BSN: variants seen among roughly 807,000 people sequenced by gnomAD.
BSN encodes bassoon presynaptic cytomatrix protein, also known as protein bassoon.
In BSN, 57 loss-of-function variants were observed where a neutral mutation model predicts 264.8. That is an observed-to-expected ratio of 0.22 (90% confidence interval 0.17 to 0.27). BSN has a LOEUF of 0.27. BSN is among the 10% of genes least tolerant of loss of function. BSN has a pLI of 1.00. For synonymous variants in BSN, 2,059 were observed against 2,137.3 expected (o/e 0.96, Z 1.01); for missense variants, 4,615 against 5,232.5 (o/e 0.88, Z 3.64).
chr3:49,561,069 TG>T (rs941856000), intron 1 of BSN, among the ~76,000 whole-genome samples: 13 of 152,332 alleles, frequency 8.5e-5, no homozygotes, highest in Admixed American at 7.2e-4. Context: ...AGCAGAGACC[TG>T]GGGCCCCTAC....
intron 1 of BSN, among the ~76,000 whole-genome samples, chr3:49,619,894 A>C (rs775082882): frequency 6.6e-6 from 1 of 152,186 alleles, no homozygotes; most frequent in Non-Finnish European, 1.5e-5. Flanking sequence ...CAGGAAATAA[A>C]TATTGAGCAT....
In BSN at chr3:49,656,929, T is replaced by TGCAGCA. The variant is rs1553667745; in HGVS notation, c.7379_7384dup (p.Gln2460_Gln2461dup). 6.3e-7 allele frequency: 1 copy of TGCAGCA among 1,598,326 alleles called. No homozygotes were observed. The highest frequency in any genetic ancestry group is 8.5e-7 in the Non-Finnish European group (1 of 1,171,294). ...CTGCAGCTGGAGCAGATCCAGCAGCTGCAGCAGCAGCTGCAGCAGCAGCTA... is the reference window on the plus strand; with the variant it reads ...CTGCAGCTGGAGCAGATCCAGCAGCTGCAGCAGCAGCAGCAGCTGCAGCAGCAGCTA... On this transcript the variant is annotated inframe_insertion, in exon 5 of 12. Coordinates refer to ENST00000296452, the MANE Select transcript of BSN (RefSeq NM_003458.4).
chr3:49,643,365 A>G (rs1426429380), intron 3 of BSN, among the ~76,000 whole-genome samples: 1 of 152,156 alleles, frequency 6.6e-6, no homozygotes, highest in Non-Finnish European at 1.5e-5. Flanking sequence ...AGTTGGGGGT[A>G]ATGGTGCCTA....
chr3:49,566,583 G>A (rs1273224525), intron 1 of BSN, among the ~76,000 whole-genome samples: 3 of 151,986 alleles, frequency 2.0e-5, no homozygotes. Flanking sequence ...CCAGGAGTTT[G>A]AGACTAGCCT....
downstream of BSN, among the ~76,000 whole-genome samples, chr3:49,672,627 C>G (rs909162127): frequency 6.6e-6 from 1 of 151,258 alleles, no homozygotes; most frequent in Non-Finnish European, 1.5e-5. Flanking sequence ...ATTACAGGCG[C>G]GTGCCACCCA....
intron 2 of BSN, among the ~76,000 whole-genome samples, chr3:49,634,177 C>T (rs1158853582): frequency 1.3e-5 from 2 of 150,170 alleles, no homozygotes; most frequent in East Asian, 3.9e-4. Context: ...CACTGCACTC[C>T]AGCCTGATGA....
intron 1 of BSN, among the ~76,000 whole-genome samples, chr3:49,562,188 C>G (rs1318833674): frequency 6.6e-6 from 1 of 152,178 alleles, no homozygotes; most frequent in African/African-American, 2.4e-5. Context: ...ACTGTGTCAC[C>G]TACACTTTTT....
At chr3:49,604,593 A>T (rs573061321) in intron 1 of BSN, among the ~76,000 whole-genome samples, 9 of 151,910 alleles carry the variant, frequency 5.9e-5, no homozygotes, top group African/African-American at 2.2e-4. Context: ...TATATAACAC[A>T]CTTTTTTTAC....
Position 49,656,518 on chromosome 3 carries a change from A to G in BSN, c.6962A>G (p.Glu2321Gly). The G allele has an allele frequency of 6.3e-7, 1 of 1,575,986 alleles. No individual in the cohort carries two copies. Among genetic ancestry groups the G allele is most frequent in the South Asian group, 1.2e-5 (1 of 86,476 alleles). ...LPTTTPAAIKEAAGAPAPAPL... is the reference protein window; with the variant it reads ...LPTTTPAAIKGAAGAPAPAPL... The stretch of plus-strand genomic sequence containing the variant: ...ACAACCACCCCTGCTGCCATCAAGG[A>G]GGCTGCAGGAGCCCCAGCTCCTGCC... The change falls in exon 5 of 12, where the codon GAG becomes GGG. Residue 2321 changes from glutamate to glycine, a missense_variant. This residue lies in a region of BSN where 3,415 missense variants were observed against 3,866.4 expected (regional missense o/e 0.88). Coordinates refer to ENST00000296452, the MANE Select transcript of BSN (RefSeq NM_003458.4).
At chr3:49,562,472 C>T (rs1236816019) in intron 1 of BSN, among the ~76,000 whole-genome samples, 4 of 152,200 alleles carry the variant, frequency 2.6e-5, no homozygotes, top group Non-Finnish European at 5.9e-5. Flanking sequence ...TTCTCTTTGT[C>T]TCACAGAGGT....
At chr3:49,626,195 G>T (rs937466845) in intron 2 of BSN, among the ~76,000 whole-genome samples, 18 of 152,272 alleles carry the variant, frequency 1.2e-4, no homozygotes, top group South Asian at 4.1e-4. Flanking sequence ...AATGAACAGA[G>T]TAGGTCTGCT....
intron 1 of BSN, among the ~76,000 whole-genome samples, chr3:49,622,104 C>G (rs991578762): frequency 1.3e-5 from 2 of 151,896 alleles, no homozygotes; most frequent in Admixed American, 1.3e-4. Context: ...AGAAGTGGGC[C>G]TTGGGATTGG....
In BSN at chr3:49,665,297, G is replaced by A. The variant is rs2052704563; in HGVS notation, c.*83G>A. ...CTCTGGAGTCAGAGGCCTGGGCGCAGCTCTGGACTCTGCGTATAACAGTGA... is the reference window on the plus strand; with the variant it reads ...CTCTGGAGTCAGAGGCCTGGGCGCAACTCTGGACTCTGCGTATAACAGTGA... On this transcript the variant is annotated 3_prime_UTR_variant, in exon 11 of 12. Transcript: ENST00000296452. 1.9e-5 allele frequency: 3 copies of A among 161,302 alleles called. No individual in the cohort carries two copies. Among genetic ancestry groups the A allele is most frequent in the Admixed American group, 6.2e-5 (1 of 16,188 alleles). 10.0% of individuals were successfully genotyped at this position (161,302 alleles called of 1,614,324 possible).
chr3:49,637,954 A>AAAGCTAATGTCTGAC (rs1216430917), intron 2 of BSN, among the ~76,000 whole-genome samples: 4 of 152,212 alleles, frequency 2.6e-5, no homozygotes, highest in Non-Finnish European at 1.5e-5. Flanking sequence ...CAGCTCATTC[A>AAAGCTAATGTCTGAC]AAGCTAATGT....
chr3:49,587,056 AT>A (rs1199541235), intron 1 of BSN, among the ~76,000 whole-genome samples: 1 of 152,026 alleles, frequency 6.6e-6, no homozygotes, highest in Non-Finnish European at 1.5e-5. Context: ...ATATTTTTCC[AT>A]TTTTTGGTGT....
chr3:49,657,410 C>T lies in BSN; in HGVS notation c.7854C>T (p.Asp2618=). 6.2e-7 allele frequency: 1 copy of T among 1,613,192 alleles called. No homozygotes were observed. Among genetic ancestry groups the T allele is most frequent in the Non-Finnish European group, 8.5e-7 (1 of 1,180,016 alleles). ...GCAGTGTGCAGACGGACGACGAAGA[C>T]AGTGCTGAGTGGGAGCAGCCAGTGC... The part of the protein sequence containing the change: ...ADCSVQTDDE[D]SAEWEQPVRR... The change falls in exon 5 of 12, where the codon GAC becomes GAT. Residue 2618 remains aspartate (D), a synonymous_variant. Transcript: ENST00000296452.
At chr3:49,659,467 T>A (rs1464519428) in intron 5 of BSN, among the ~76,000 whole-genome samples, 2 of 152,120 alleles carry the variant, frequency 1.3e-5, no homozygotes, top group Non-Finnish European at 2.9e-5. Flanking sequence ...TATTATGACA[T>A]ATGGTGGATG....
At chr3:49,590,578 A>G (rs1328018537) in intron 1 of BSN, among the ~76,000 whole-genome samples, 1 of 152,028 alleles carries the variant, frequency 6.6e-6, no homozygotes, top group Non-Finnish European at 1.5e-5. Flanking sequence ...ACACATCTTA[A>G]TTTATCACAA....
At position 49,662,437 on chromosome 3, in the gene BSN, T is replaced by G. The variant is rs894395113; in HGVS notation, c.10592T>G (p.Phe3531Cys). The change falls in exon 6 of 12, where the codon TTC becomes TGC. Residue 3531 changes from phenylalanine (F) to cysteine (C), a missense_variant. By Grantham distance (205) the Phe-to-Cys change is radical. Coordinates refer to ENST00000296452, the MANE Select transcript of BSN (RefSeq NM_003458.4). ...LPPGGDTCPQ[F>C]CSSHSMPDVQ... Reference sequence around the variant, plus strand: ...CCCGGCGGGGATACCTGCCCACAGTTCTGCTCCAGCCACTCCATGCCTGAT... The same window carrying G: ...CCCGGCGGGGATACCTGCCCACAGTGCTGCTCCAGCCACTCCATGCCTGAT... The G allele has an allele frequency of 2.5e-6, 4 of 1,613,466 alleles. No homozygotes were observed. Among genetic ancestry groups the G allele is most frequent in the Non-Finnish European group, 3.4e-6 (4 of 1,180,012 alleles).
Sources: gnomAD v4.1 joint callset for allele counts (sites outside exome capture counted in the v4.1 genomes callset) on GRCh38, gnomAD v4.1.1 for gene constraint, gnomAD v4.1.1 regional missense constraint, MANE v1.5 for transcripts, NCBI Gene and HGNC (gene_info 2026-07-23, HGNC 2026-07-21) for gene names.